The following LRRC15 variants were observed in gnomAD, a reference collection of about 807,000 sequenced individuals.
LRRC15 encodes leucine-rich repeat-containing protein 15.
LRRC15 carries 5 observed loss-of-function variants against 4.3 expected under a neutral mutation model. The ratio of observed to expected loss-of-function variants is 1.16; its 90% confidence interval spans 0.61 to 2.44. LRRC15 has a LOEUF of 2.44. Among genes scored for constraint, LRRC15 ranks in the 30% most tolerant of loss-of-function variants. The probability of loss-of-function intolerance (pLI) is 0.01; values close to 1 mark genes in which losing one functional copy is unlikely to be tolerated. For synonymous variants in LRRC15, 337 were observed against 323.2 expected, an observed-to-expected ratio of 1.04 and a Z score of -0.46; for missense variants, 769 against 747.0, an observed-to-expected ratio of 1.03 and a Z score of -0.34.
chr3:194,359,920 T>A lies in LRRC15; in HGVS notation c.1124A>T (p.Asn375Ile). The change falls in exon 2 of 2, where the codon AAC (asparagine) becomes ATC (isoleucine). Residue 375 changes from asparagine to isoleucine, a missense_variant. Physicochemically the swap from Asn to Ile is moderately radical, Grantham distance 149 (BLOSUM62 -3). Transcript: ENST00000347624. The part of the protein sequence containing the change: ...ANLQNISLQN[N>I]RLRQLPGNIF... ...ATTCCCTGGGAGCTGTCTGAGGCGG[T>A]TGTTCTGCAGGGAGATGTTCTGCAG... is the stretch of plus-strand genomic sequence containing the variant. 1 of 1,614,076 alleles carries A rather than the reference T, an allele frequency of 6.2e-7. No individual in the cohort carries two copies. The highest frequency in any genetic ancestry group is 8.5e-7 in the Non-Finnish European group (1 of 1,179,994).
chr3:194,367,240 T>C (rs1482808412), intron 1 of LRRC15, among the ~76,000 whole-genome samples: 4 of 152,202 alleles, frequency 2.6e-5, no homozygotes, highest in Admixed American at 6.5e-5. Flanking sequence ...ACAACAAGGC[T>C]GGAGATGGAG....
rs376016849 is a variant in LRRC15, at chr3:194,363,283, A to G, written c.-3-2237T>C. On this transcript the variant is annotated intron_variant, in intron 1 of 1. Transcript: ENST00000347624. ...TTGTTCACAGCCCATGGAAGCCCTGACCTGCTATACTTTTACATTAAGAAC... is the reference window on the plus strand; with the variant it reads ...TTGTTCACAGCCCATGGAAGCCCTGGCCTGCTATACTTTTACATTAAGAAC... 70 of 665,612 alleles carry G rather than the reference A, an allele frequency of 1.1e-4. No individual in the cohort carries two copies. In the African/African-American group the frequency reaches 1.1e-3, roughly 11 times the overall value. The allele number at this position is 665,612 out of a possible 1,614,324, so 41.2% of individuals were successfully genotyped here. A position where few individuals can be genotyped will look rare whatever the true frequency, so the allele number is the denominator to read the frequency against.
Position 194,357,592 on chromosome 3 carries a change from G to C in LRRC15, c.*1706C>G, listed in dbSNP as rs1713469573. On this transcript the variant is annotated 3_prime_UTR_variant, in exon 2 of 2. Transcript: ENST00000347624. ...AGCCAGAGAAGGCAGGTATTCGTGT[G>C]ACTGTGACTCGAGGAGGAGAATAAC... The C allele has an allele frequency of 6.6e-6, 1 of 152,208 alleles. No homozygotes were observed. The allele number at this position is 152,208 out of a possible 1,614,324, so 9.4% of individuals were successfully genotyped here. A position where few individuals can be genotyped will look rare whatever the true frequency, so the allele number is the denominator to read the frequency against.
intron 1 of LRRC15, among the ~76,000 whole-genome samples, chr3:194,362,393 C>T (rs1713655677): frequency 6.6e-6 from 1 of 152,142 alleles, no homozygotes; most frequent in South Asian, 2.1e-4. Flanking sequence ...TGCTTATCCA[C>T]AGCATGGACC....
At chr3:194,369,085 A>G (rs1269617898) in intron 1 of LRRC15, among the ~76,000 whole-genome samples, 1 of 152,236 alleles carries the variant, frequency 6.6e-6, no homozygotes, top group Admixed American at 6.5e-5. Context: ...ACCAGGGACC[A>G]GCACATCTGC....
Position 194,359,774 on chromosome 3 carries a change from G to T in LRRC15, c.1270C>A (p.Pro424Thr). The T allele has an allele frequency of 6.2e-7, 1 of 1,614,138 alleles. No homozygotes were observed. Among genetic ancestry groups the T allele is most frequent in the South Asian group, 1.1e-5 (1 of 91,070 alleles). ...KLCELRLYDN[P>T]WRCDSDILPL... ...AGGATGTCTGAGTCACACCTCCAGG[G>T]ATTGTCATACAGCCGCAGCTCACAC... Residue 424 changes from proline to threonine, a missense_variant, in exon 2 of 2, where the codon CCC (proline) becomes ACC (threonine). Transcript: ENST00000347624.
Position 194,359,784 on chromosome 3 carries a change from C to G in LRRC15, c.1260G>C (p.Leu420=). The G allele has an allele frequency of 6.8e-6, 11 of 1,614,118 alleles. No individual in the cohort carries two copies. The highest frequency in any genetic ancestry group is 8.5e-6 in the Non-Finnish European group (10 of 1,180,004). ...AGTCACACCTCCAGGGATTGTCATA[C>G]AGCCGCAGCTCACACAGTTTCCCCA... ...DHLGKLCELR[L]YDNPWRCDSD... The change falls in exon 2 of 2, where the codon CTG becomes CTC. Residue 420 remains leucine, a synonymous_variant. Transcript: ENST00000347624.
In LRRC15 at chr3:194,355,690, T is replaced by C. The variant is rs1235501413; in HGVS notation, c.*3608A>G. ...GCTAAAAGCTAGGATACATCTAACA[T>C]CTGTCGACCAACTCTGGGTCCCGAG... is the stretch of plus-strand genomic sequence containing the variant. On this transcript the variant is annotated 3_prime_UTR_variant, in exon 2 of 2. Coordinates refer to ENST00000347624, the MANE Select transcript of LRRC15 (RefSeq NM_130830.5). The C allele has an allele frequency of 6.6e-6, 1 of 152,240 alleles. No individual in the cohort carries two copies. The highest frequency in any genetic ancestry group is 2.4e-5 in the African/African-American group (1 of 41,454). The allele number at this position is 152,240 out of a possible 1,614,324, so 9.4% of individuals were successfully genotyped here. A position where few individuals can be genotyped will look rare whatever the true frequency, so the allele number is the denominator to read the frequency against.
rs1241916945 is a variant in LRRC15, at chr3:194,360,979, T to C, written c.65A>G (p.Tyr22Cys). Residue 22 changes from tyrosine (Y) to cysteine (C), a missense_variant, in exon 2 of 2, where the codon TAC becomes TGC. Transcript: ENST00000347624. ...GGTACACTCGCTAGGGCAGCCATGG[T>C]AGGCCAACCCTGCACCCCAGGCTTG... is the stretch of plus-strand genomic sequence containing the variant. Reference protein sequence around the residue: ...GCQAWGAGLAYHGCPSECTCS... With the variant: ...GCQAWGAGLACHGCPSECTCS... 1 of 1,559,478 alleles carries C rather than the reference T, an allele frequency of 6.4e-7. No homozygotes were observed. Among genetic ancestry groups the C allele is most frequent in the Non-Finnish European group, 8.6e-7 (1 of 1,157,712 alleles).
chr3:194,359,661 G>A lies in LRRC15; in HGVS notation c.1383C>T (p.Gly461=). The change falls in exon 2 of 2, where the codon GGC becomes GGT. Residue 461 remains glycine, a synonymous_variant. Coordinates refer to ENST00000347624, the MANE Select transcript of LRRC15 (RefSeq NM_130830.5). ...PVCFSPANVR[G]QSLIIINVNV... is the part of the protein sequence containing the mutation. ...TGACATTGATGATAATGAGGGACTGGCCTCGGACATTGGCTGGGCTGAAAC... is the reference window on the plus strand; with the variant it reads ...TGACATTGATGATAATGAGGGACTGACCTCGGACATTGGCTGGGCTGAAAC... 1 of 1,614,148 alleles carries A rather than the reference G, an allele frequency of 6.2e-7. No homozygotes were observed. Among genetic ancestry groups the A allele is most frequent in the South Asian group, 1.1e-5 (1 of 91,054 alleles).
Position 194,360,169 on chromosome 3 carries a change from A to T in LRRC15, c.875T>A (p.Met292Lys), listed in dbSNP as rs772870476. The change falls in exon 2 of 2, where the codon ATG (methionine) becomes AAG (lysine). Residue 292 changes from methionine (M) to lysine (K), a missense_variant. Physicochemically the swap from Met to Lys is moderately conservative, Grantham distance 95 (BLOSUM62 -1). Coordinates refer to ENST00000347624, the MANE Select transcript of LRRC15 (RefSeq NM_130830.5). ...GAGCCAAAGCTCCCGCAGGTTGGGCATGGGCCCGAAGATCCCCGGAGAGAG... is the reference window on the plus strand; with the variant it reads ...GAGCCAAAGCTCCCGCAGGTTGGGCTTGGGCCCGAAGATCCCCGGAGAGAG... ...KELSPGIFGPMPNLRELWLYD... is the reference protein window; with the variant it reads ...KELSPGIFGPKPNLRELWLYD... The T allele has an allele frequency of 1.2e-6, 2 of 1,613,746 alleles. No homozygotes were observed. The highest frequency in any genetic ancestry group is 2.7e-5 in the African/African-American group (2 of 74,940).
In LRRC15 at chr3:194,357,689, G is replaced by A. The variant is rs1293354599; in HGVS notation, c.*1609C>T. On this transcript the variant is annotated 3_prime_UTR_variant, in exon 2 of 2. Transcript: ENST00000347624. The stretch of plus-strand genomic sequence containing the variant: ...GCTCCAGGGAGCCCCCAGACCCAGT[G>A]TGACCCATCGGTGTACCCCCGTGTC... 1 of 152,200 alleles carries A rather than the reference G, an allele frequency of 6.6e-6. No homozygotes were observed. Among genetic ancestry groups the A allele is most frequent in the African/African-American group, 2.4e-5 (1 of 41,444 alleles). The allele number at this position is 152,200 out of a possible 1,614,324, so 9.4% of individuals were successfully genotyped here.
intron 1 of LRRC15, among the ~76,000 whole-genome samples, chr3:194,362,071 G>C (rs1313532967): frequency 6.6e-6 from 1 of 152,030 alleles, no homozygotes; most frequent in East Asian, 1.9e-4. Flanking sequence ...GAAAATGGAG[G>C]CAAGTTCATG....
chr3:194,366,167 G>A (rs1189154446), intron 1 of LRRC15, among the ~76,000 whole-genome samples: 1 of 152,190 alleles, frequency 6.6e-6, no homozygotes, highest in Non-Finnish European at 1.5e-5. Flanking sequence ...CCTGAAGCTC[G>A]GGCCTCCGTG....
At chr3:194,367,791 A>G (rs886658538) in intron 1 of LRRC15, among the ~76,000 whole-genome samples, 2 of 152,150 alleles carry the variant, frequency 1.3e-5, no homozygotes, top group Non-Finnish European at 2.9e-5. Flanking sequence ...TCAAGCGGGG[A>G]CCCGCGTCTC....
Position 194,358,411 on chromosome 3 carries a change from G to C in LRRC15, c.*887C>G, listed in dbSNP as rs1713495109. 6.6e-6 allele frequency: 1 copy of C among 152,164 alleles called. No individual in the cohort carries two copies. The highest frequency in any genetic ancestry group is 1.5e-5 in the Non-Finnish European group (1 of 68,036). 9.4% of individuals were successfully genotyped at this position (152,164 alleles called of 1,614,324 possible). ...AAACAAACTCTAGGGGTGAACACAG[G>C]GACCCCCAGGCACCAGATTTCTTTC... On this transcript the variant is annotated 3_prime_UTR_variant, in exon 2 of 2. Transcript: ENST00000347624.
rs1713563487 is a variant in LRRC15 at position 194,360,055 on chromosome 3, C to G, written c.989G>C (p.Ser330Thr). 1 of 1,614,234 alleles carries G rather than the reference C, an allele frequency of 6.2e-7. No individual in the cohort carries two copies. The highest frequency in any genetic ancestry group is 8.5e-7 in the Non-Finnish European group (1 of 1,180,044). ...GTTGAAGGCACCCGGGGAGATGAAG[C>G]TGATCTGATTGCGGCTAAGAATCAG... ...QVLILSRNQI[S>T]FISPGAFNGL... Residue 330 changes from serine (S) to threonine (T), a missense_variant, in exon 2 of 2, where the codon AGC (serine) becomes ACC (threonine). Physicochemically the swap from Ser to Thr is moderately conservative, Grantham distance 58 (BLOSUM62 1). Coordinates refer to ENST00000347624, the MANE Select transcript of LRRC15 (RefSeq NM_130830.5).
Position 194,360,641 on chromosome 3 carries a change from T to C in LRRC15, c.403A>G (p.Asn135Asp). The change falls in exon 2 of 2, where the codon AAC (asparagine) becomes GAC (aspartate). Residue 135 changes from asparagine to aspartate, a missense_variant. Coordinates refer to ENST00000347624, the MANE Select transcript of LRRC15 (RefSeq NM_130830.5). ...DSLESLLLSS[N>D]QLLQIQPAHF... The stretch of plus-strand genomic sequence containing the variant: ...GCCGGCTGGATCTGCAACAGCTGGT[T>C]ACTGGACAGAAGGAGAGACTCGAGG... The C allele has an allele frequency of 6.2e-7, 1 of 1,614,114 alleles. No individual in the cohort carries two copies. Among genetic ancestry groups the C allele is most frequent in the East Asian group, 2.2e-5 (1 of 44,884 alleles).
At position 194,368,371 on chromosome 3, in the gene LRRC15, C is replaced by A. The variant is rs569263353; in HGVS notation, c.-4+1290G>T. ...AGTGTTCCCTAGCCCTGGGAAGAAC[C>A]TTCCATGACCTGACTGTCTGTCGAA... On this transcript the variant is annotated intron_variant, in intron 1 of 1. Coordinates refer to ENST00000347624, the MANE Select transcript of LRRC15 (RefSeq NM_130830.5). Among the ~76,000 whole-genome samples the A allele has an allele frequency of 3.6e-3, 555 of 152,236 alleles. 1 individual carries two copies. The highest frequency in any genetic ancestry group is 5.5e-3 in the Non-Finnish European group (373 of 68,014).
Sources: gnomAD v4.1 joint callset for allele counts (sites outside exome capture counted in the v4.1 genomes callset) on GRCh38, gnomAD v4.1.1 for gene constraint, MANE v1.5 for transcripts, NCBI Gene and HGNC (gene_info 2026-07-23, HGNC 2026-07-21) for gene names.